ESRRB: variants seen among roughly 807,000 people sequenced by gnomAD.
ESRRB encodes estrogen related receptor beta, also known as steroid hormone receptor ERR2.
Under a neutral mutation model 46.0 loss-of-function variants are expected in ESRRB, and 16 were observed. That is an observed-to-expected ratio of 0.35 (90% confidence interval 0.24 to 0.53). The LOEUF is 0.53. ESRRB is among the 20% of genes least tolerant of loss of function. The pLI, the probability that ESRRB is intolerant of heterozygous loss-of-function variation, is 0.93. For synonymous variants in ESRRB, 246 were observed against 259.6 expected, an observed-to-expected ratio of 0.95 and a Z score of 0.50; for missense variants, 488 against 607.4, an observed-to-expected ratio of 0.80 and a Z score of 2.07.
chr14:76,378,715 A>C (rs1425916873), intron 1 of ESRRB, among the ~76,000 whole-genome samples: 1 of 152,134 alleles, frequency 6.6e-6, no homozygotes, highest in Non-Finnish European at 1.5e-5. Context: ...GAGGGGCATC[A>C]TTTCAAGGAC....
chr14:76,390,781 G>A (rs1885436395), intron 1 of ESRRB, among the ~76,000 whole-genome samples: 1 of 152,224 alleles, frequency 6.6e-6, no homozygotes, highest in South Asian at 2.1e-4. Flanking sequence ...CAAGGGGAAA[G>A]GCGCTGATGG....
At chr14:76,493,454 C>T (rs1461236213) in intron 6 of ESRRB, among the ~76,000 whole-genome samples, 1 of 152,160 alleles carries the variant, frequency 6.6e-6, no homozygotes, top group East Asian at 1.9e-4. Context: ...CACGCCCAGC[C>T]CCAAGTGCTT....
rs1013734774 is a variant in ESRRB at position 76,500,734 on chromosome 14, A to G, written c.*2276A>G. On this transcript the variant is annotated 3_prime_UTR_variant, in exon 7 of 7. Coordinates refer to ENST00000644823, the MANE Select transcript of ESRRB (RefSeq NM_001379180.1). ...GCTCACCATGTAACATCTGGCTTGG[A>G]GCAAGTGGGTGTTCTGCACACCAGG... 2.5e-6 allele frequency: 4 copies of G among 1,613,834 alleles called. No homozygotes were observed. Among genetic ancestry groups the G allele is most frequent in the African/African-American group, 1.3e-5 (1 of 75,018 alleles).
intron 2 of ESRRB, among the ~76,000 whole-genome samples, chr14:76,459,025 A>G (rs563564310): frequency 3.0e-4 from 46 of 151,892 alleles, no homozygotes; most frequent in African/African-American, 1.1e-3. Flanking sequence ...TTGTATTTTT[A>G]GTAGAGACAG....
At chr14:76,379,554 T>C (rs1004257175) in intron 1 of ESRRB, among the ~76,000 whole-genome samples, 5 of 152,230 alleles carry the variant, frequency 3.3e-5, no homozygotes, top group African/African-American at 9.6e-5. Context: ...GTCTCGGTTT[T>C]CCAAGGGAGG....
Position 76,499,523 on chromosome 14 carries a change from T to C in ESRRB, c.*1065T>C. ...AGGGAACTCAGCGGGGTGGCCTGCC[T>C]CATCCTTCCTGGCTTCCCTTCCCTG... is the stretch of plus-strand genomic sequence containing the variant. On this transcript the variant is annotated 3_prime_UTR_variant, in exon 7 of 7. Coordinates refer to ENST00000644823, the MANE Select transcript of ESRRB (RefSeq NM_001379180.1). 1 of 414,580 alleles carries C rather than the reference T, an allele frequency of 2.4e-6. No individual in the cohort carries two copies. Among genetic ancestry groups the C allele is most frequent in the Non-Finnish European group, 4.5e-6 (1 of 220,274 alleles). 25.7% of individuals were successfully genotyped at this position (414,580 alleles called of 1,614,324 possible).
chr14:76,385,228 A>AC (rs376110884), intron 1 of ESRRB, among the ~76,000 whole-genome samples: 7 of 150,478 alleles, frequency 4.7e-5, no homozygotes, highest in African/African-American at 1.5e-4. Context: ...AAAAAAAAAA[A>AC]CAACCAAACC....
At chr14:76,439,078 C>T (rs1266885701) in intron 1 of ESRRB, among the ~76,000 whole-genome samples, 1 of 152,110 alleles carries the variant, frequency 6.6e-6, no homozygotes, top group East Asian at 1.9e-4. Flanking sequence ...CTGGGATTTA[C>T]AGGTGTGAGC....
intron 3 of ESRRB, among the ~76,000 whole-genome samples, chr14:76,479,252 T>TGC (rs1555343646): frequency 8.7e-4 from 131 of 150,202 alleles, no homozygotes; most frequent in Middle Eastern, 7.0e-3. Flanking sequence ...CATGCGTGCG[T>TGC]GTGTGTGTGT....
intron 3 of ESRRB, among the ~76,000 whole-genome samples, chr14:76,468,748 G>A (rs1195197612): frequency 6.6e-6 from 1 of 151,874 alleles, no homozygotes; most frequent in Non-Finnish European, 1.5e-5. Flanking sequence ...CAATCTTCAG[G>A]GAAAGCTCCT....
chr14:76,473,589 G>A (rs1379892340), intron 3 of ESRRB, among the ~76,000 whole-genome samples: 1 of 152,226 alleles, frequency 6.6e-6, no homozygotes, highest in African/African-American at 2.4e-5. Flanking sequence ...GTAAAAGAAA[G>A]AAGCTTAAAG....
At chr14:76,405,016 T>A (rs1159016440) in intron 1 of ESRRB, among the ~76,000 whole-genome samples, 1 of 152,198 alleles carries the variant, frequency 6.6e-6, no homozygotes, top group Non-Finnish European at 1.5e-5. Flanking sequence ...CCCTCCTGTG[T>A]GTATTTACAT....
intron 1 of ESRRB, among the ~76,000 whole-genome samples, chr14:76,404,724 T>C (rs182805885): frequency 8.5e-5 from 13 of 152,336 alleles, no homozygotes; most frequent in African/African-American, 3.1e-4. Context: ...GGTTTTGACT[T>C]TTTTTCTAAA....
chr14:76,379,412 A>G lies in ESRRB; in HGVS notation c.50+2961A>G, dbSNP rs182878359. Among the ~76,000 whole-genome samples, 9 of 152,312 alleles carry G rather than the reference A, an allele frequency of 5.9e-5. No individual in the cohort carries two copies. The East Asian group carries it at 7.7e-4, about 13-fold the overall frequency. On this transcript the variant is annotated intron_variant, in intron 1 of 6. Coordinates refer to ENST00000644823, the MANE Select transcript of ESRRB (RefSeq NM_001379180.1). ...AAGAAACAAAGAACAAATTGTCCTG[A>G]AGGTAAAATATGTGGGTTCACACGT... is the stretch of plus-strand genomic sequence containing the variant.
intron 2 of ESRRB, among the ~76,000 whole-genome samples, chr14:76,455,407 A>T (rs1384923957): frequency 6.6e-6 from 1 of 152,130 alleles, no homozygotes; most frequent in African/African-American, 2.4e-5. Context: ...GTTATGGAAG[A>T]TGAGTTAGCT....
intron 1 of ESRRB, among the ~76,000 whole-genome samples, chr14:76,345,890 C>T (rs183267972): frequency 1.3e-5 from 2 of 152,256 alleles, no homozygotes; most frequent in Non-Finnish European, 2.9e-5. Context: ...GTCTTGCTTT[C>T]CCAGGGCTGC....
rs568674174 is a variant in ESRRB at position 76,321,488 on chromosome 14, A to C, written c.2+10572A>C. ...TCTCTCTTTTGCTCTATATTGTGAA[A>C]GATTGTATGTTTTCACCTAGACAAT... On this transcript the variant is annotated intron_variant, in intron 1 of 6. Transcript: ENST00000512784. Among the ~76,000 whole-genome samples the C allele has an allele frequency of 6.6e-5, 10 of 152,310 alleles. No homozygotes were observed. The South Asian group carries it at 2.1e-3, about 32-fold the overall frequency.
At chr14:76,360,247 C>T (rs1290099223) in intron 1 of ESRRB, among the ~76,000 whole-genome samples, 1 of 152,120 alleles carries the variant, frequency 6.6e-6, no homozygotes, top group East Asian at 1.9e-4. Context: ...TAATCCCATC[C>T]TGTGTGGGCA....
At chr14:76,360,333 A>C (rs1394856959) in intron 1 of ESRRB, among the ~76,000 whole-genome samples, 2 of 152,170 alleles carry the variant, frequency 1.3e-5, no homozygotes, top group Admixed American at 6.5e-5. Context: ...ATGAACTCCA[A>C]GATACTTGGG....
Sources: allele counts gnomAD v4.1 joint callset (sites outside exome capture counted in the v4.1 genomes callset), GRCh38; gene constraint gnomAD v4.1.1; transcripts MANE v1.5; gene names NCBI Gene and HGNC (gene_info 2026-07-23, HGNC 2026-07-21).